The following CCDC178 variants were observed in gnomAD, a reference collection of about 807,000 sequenced individuals.
The protein encoded by CCDC178 is coiled-coil domain-containing protein 178.
A neutral mutation model predicts 117.4 loss-of-function variants in CCDC178; 126 were observed. The ratio of observed to expected loss-of-function variants is 1.07; its 90% CI spans 0.93 to 1.24. CCDC178 has a LOEUF of 1.24. Among genes scored for constraint, CCDC178 ranks in the 50% most tolerant of loss-of-function variants. The pLI is 0.00. For missense variants in CCDC178, 1,030 were observed against 986.9 expected (o/e 1.04, Z -0.59); for synonymous variants, 283 against 313.4 (o/e 0.90, Z 1.02).
intron 5 of CCDC178, among the ~76,000 whole-genome samples, chr18:33,371,743 A>T (rs1224186690): frequency 3.3e-5 from 5 of 150,142 alleles, no homozygotes; most frequent in Non-Finnish European, 7.4e-5. Flanking sequence ...TATTTTTTGT[A>T]TGTTACAGTC....
At chr18:33,101,958 T>C (rs1191427667) in intron 20 of CCDC178, among the ~76,000 whole-genome samples, 1 of 151,954 alleles carries the variant, frequency 6.6e-6, no homozygotes, top group Non-Finnish European at 1.5e-5. Context: ...GTCGTATCTA[T>C]GTTACATCAG....
intron 21 of CCDC178, among the ~76,000 whole-genome samples, chr18:33,038,668 A>C (rs772101416): frequency 3.3e-5 from 5 of 151,996 alleles, no homozygotes; most frequent in Non-Finnish European, 7.4e-5. Flanking sequence ...GACCAGTAAG[A>C]ACTGGATTTT....
intron 21 of CCDC178, among the ~76,000 whole-genome samples, chr18:32,987,707 G>C (rs920256264): frequency 6.6e-6 from 1 of 152,124 alleles, no homozygotes; most frequent in Non-Finnish European, 1.5e-5. Context: ...TATAAACCAT[G>C]TTCCTGACAA....
At chr18:33,393,649 C>T (rs1173209702) in intron 4 of CCDC178, among the ~76,000 whole-genome samples, 2 of 152,132 alleles carry the variant, frequency 1.3e-5, no homozygotes, top group Non-Finnish European at 2.9e-5. Flanking sequence ...ACCAATGCTA[C>T]TCCATGTATT....
intron 22 of CCDC178, among the ~76,000 whole-genome samples, chr18:32,946,788 CT>C (rs962957500): frequency 5.6e-5 from 3 of 53,828 alleles, no homozygotes; most frequent in South Asian, 5.9e-4. Context: ...TTTTCTTTTT[CT>C]TTTTTTTTGA....
chr18:33,185,917 GA>G (rs201972213), intron 20 of CCDC178, among the ~76,000 whole-genome samples: 4 of 149,474 alleles, frequency 2.7e-5, no homozygotes, highest in Admixed American at 6.7e-5. Flanking sequence ...TTGTTTGAAA[GA>G]AAAAAAAACC....
chr18:33,334,805 T>C (rs2062718489), intron 9 of CCDC178, among the ~76,000 whole-genome samples: 1 of 152,086 alleles, frequency 6.6e-6, no homozygotes, highest in Non-Finnish European at 1.5e-5. Flanking sequence ...TATTTATTTA[T>C]TTTGTGAGGA....
At chr18:33,102,484 A>G (rs758355074) in intron 20 of CCDC178, among the ~76,000 whole-genome samples, 1 of 151,548 alleles carries the variant, frequency 6.6e-6, no homozygotes, top group Admixed American at 6.6e-5. Context: ...GTCAGAAAAC[A>G]TTAGGGCTAT....
Position 32,990,599 on chromosome 18 carries a change from C to A in CCDC178, c.2389-15918G>T, listed in dbSNP as rs185304318. On this transcript the variant is annotated intron_variant, in intron 21 of 22. Transcript: ENST00000383096. ...AACTAAATTCCATATGTATTAAAAA[C>A]TTAAAAGTTCAAGTCAAATTTTTAA... Among the ~76,000 whole-genome samples, 339 of 152,130 alleles carry A rather than the reference C, an allele frequency of 2.2e-3. 2 individuals are homozygous for A. Among genetic ancestry groups the A allele is most frequent in the African/African-American group, 7.5e-3 (311 of 41,538 alleles).
chr18:33,071,071 ATTTG>A (rs1427457760), intron 21 of CCDC178, among the ~76,000 whole-genome samples: 3 of 152,106 alleles, frequency 2.0e-5, no homozygotes, highest in African/African-American at 7.2e-5. Flanking sequence ...CTCCATCAAT[ATTTG>A]TTTAACTATA....
chr18:33,266,196 A>C (rs2059811938), intron 14 of CCDC178, among the ~76,000 whole-genome samples: 1 of 152,018 alleles, frequency 6.6e-6, no homozygotes, highest in African/African-American at 2.4e-5. Flanking sequence ...CATAAGTTTT[A>C]AATTGTAGGC....
At chr18:33,011,413 A>G (rs1008674290) in intron 21 of CCDC178, among the ~76,000 whole-genome samples, 1 of 152,146 alleles carries the variant, frequency 6.6e-6, no homozygotes, top group Non-Finnish European at 1.5e-5. Context: ...CTTTGGTGAT[A>G]TAGTTAATGA....
intron 20 of CCDC178, among the ~76,000 whole-genome samples, chr18:33,118,822 G>A (rs2057894898): frequency 6.6e-6 from 1 of 152,106 alleles, no homozygotes; most frequent in African/African-American, 2.4e-5. Flanking sequence ...AAAACAGCAT[G>A]GTACTGGTAC....
intron 21 of CCDC178, among the ~76,000 whole-genome samples, chr18:32,984,551 T>A (rs998395859): frequency 6.6e-6 from 1 of 151,902 alleles, no homozygotes; most frequent in African/African-American, 2.4e-5. Context: ...GTAAAGACAG[T>A]AGTTTATATA....
chr18:33,255,162 T>G (rs1262560371), intron 14 of CCDC178, among the ~76,000 whole-genome samples: 1 of 152,096 alleles, frequency 6.6e-6, no homozygotes, highest in Non-Finnish European at 1.5e-5. Flanking sequence ...CATGTTCTGA[T>G]GCAGCACGAA....
At chr18:33,097,328 G>T (rs544988086) in intron 20 of CCDC178, among the ~76,000 whole-genome samples, 1 of 152,236 alleles carries the variant, frequency 6.6e-6, no homozygotes, top group South Asian at 2.1e-4. Flanking sequence ...AGCATCAATT[G>T]TGAGTGAGTG....
chr18:33,287,488 A>G (rs972076954), intron 12 of CCDC178, among the ~76,000 whole-genome samples: 13 of 152,142 alleles, frequency 8.5e-5, no homozygotes, highest in Admixed American at 6.6e-4. Context: ...ATCAAAAATA[A>G]CATTTTGTGG....
intron 9 of CCDC178, among the ~76,000 whole-genome samples, chr18:33,340,364 T>C (rs1268394954): frequency 6.6e-6 from 1 of 152,046 alleles, no homozygotes; most frequent in Non-Finnish European, 1.5e-5. Flanking sequence ...GGAAACAGCA[T>C]AAAAGTTCAG....
intron 20 of CCDC178, among the ~76,000 whole-genome samples, chr18:33,195,633 C>A (rs897043889): frequency 6.6e-6 from 1 of 152,126 alleles, no homozygotes; most frequent in African/African-American, 2.4e-5. Flanking sequence ...TCCTCATATA[C>A]CTTCCCCTTC....
Sources: allele counts gnomAD v4.1 joint callset (sites outside exome capture counted in the v4.1 genomes callset), GRCh38; gene constraint gnomAD v4.1.1; transcripts MANE v1.5; gene names NCBI Gene and HGNC (gene_info 2026-07-23, HGNC 2026-07-21).